Variants in UBR4 observed in about 807,000 individuals in gnomAD.
UBR4 encodes the protein ubiquitin protein ligase E3 component n-recognin 4, also known as E3 ubiquitin-protein ligase UBR4.
UBR4 carries 124 observed loss-of-function variants against 575.6 expected under a neutral mutation model. That is an observed-to-expected ratio of 0.22 (90% CI 0.19 to 0.25). The LOEUF (loss-of-function observed/expected upper bound fraction) is 0.25, where lower values mean the gene tolerates loss of function less well. Ranked by LOEUF, UBR4 falls within the 10% of genes least tolerant of loss-of-function variation. The pLI, the probability that UBR4 is intolerant of heterozygous loss-of-function variation, is 1.00. For missense variants in UBR4, 4,818 were observed against 6,478.8 expected (o/e 0.74, Z 8.80); for synonymous variants, 2,455 against 2,473.7 (o/e 0.99, Z 0.22).
Position 19,117,727 on chromosome 1 carries a change from G to C in UBR4, c.10629+96C>G, listed in dbSNP as rs1264188132. 1.6e-6 allele frequency: 2 copies of C among 1,218,622 alleles called. No homozygotes were observed. Among genetic ancestry groups the C allele is most frequent in the Non-Finnish European group, 2.4e-6 (2 of 835,574 alleles). The allele number at this position is 1,218,622 out of a possible 1,614,324, so 75.5% of individuals were successfully genotyped here. A position where few individuals can be genotyped will look rare whatever the true frequency, so the allele number is the denominator to read the frequency against. On this transcript the variant is annotated intron_variant, in intron 72 of 105. Coordinates refer to ENST00000375254, the MANE Select transcript of UBR4 (RefSeq NM_020765.3). The surrounding 1 kb of genome is among the most constrained non-coding windows in gnomAD (Gnocchi z 4.0). ...CCTACTATCGGTGACCAACCATTAG[G>C]AGAGGAACATCTATGTGATAATGAT...
At chr1:19,197,046 G>GGGAT in intron 8 of UBR4, 95 bp downstream of exon 8, 2 of 1,445,100 alleles carry the variant, frequency 1.4e-6, no homozygotes, top group Non-Finnish European at 1.9e-6. Flanking sequence ...GGAAGCAAGG[G>GGGAT]GGATGAGTAG....
At position 19,110,435 on chromosome 1, in the gene UBR4, C is replaced by T. The variant is rs1316217743; in HGVS notation, c.11922G>A (p.Leu3974=). The change falls in exon 80 of 106, where the codon CTG becomes CTA. Residue 3974 remains leucine, a synonymous_variant. Coordinates refer to ENST00000375254, the MANE Select transcript of UBR4 (RefSeq NM_020765.3). This position sits in a 1 kb window ranked among gnomAD's most constrained non-coding sequence, Gnocchi z 4.5. ...LASSLQYEML[L]LTDSISKEDS... is the part of the protein sequence containing the mutation. ...CCTCCTTGGAGATAGAATCCGTCAG[C>T]AGCAGCATTTCATACTGCAGGCTAC... 4 of 1,614,056 alleles carry T rather than the reference C, an allele frequency of 2.5e-6. No individual in the cohort carries two copies. In the African/African-American group the frequency reaches 5.3e-5, roughly 22 times the overall value.
intron 60 of UBR4, 60 bp from the exon 61 acceptor site, chr1:19,129,134 T>C (rs2082141983): frequency 1.5e-5 from 22 of 1,455,824 alleles, no homozygotes; most frequent in Non-Finnish European, 2.1e-5. Flanking sequence ...CACAGCTGAA[T>C]ACAGTTCCCT....
At chr1:19,169,169 A>T (rs1361744300) in intron 27 of UBR4, among the ~76,000 whole-genome samples, 1 of 152,218 alleles carries the variant, frequency 6.6e-6, no homozygotes, top group Non-Finnish European at 1.5e-5. Flanking sequence ...GAATCGTCAC[A>T]GCCCAATATT....
chr1:19,205,629 T>C (rs1318251348), intron 1 of UBR4, among the ~76,000 whole-genome samples: 5 of 145,268 alleles, frequency 3.4e-5, no homozygotes, highest in African/African-American at 1.2e-4. Context: ...ATCTATCTTT[T>C]GGTGGCGGGC....
intron 52 of UBR4, 101 bp downstream of exon 52, chr1:19,146,725 A>C: frequency 5.9e-5 from 84 of 1,430,120 alleles, no homozygotes; most frequent in Non-Finnish European, 7.3e-5. Context: ...CCTGTCTCTG[A>C]GCATGCAGTC....
At chr1:19,119,373 A>C (rs1043964231) in intron 70 of UBR4, among the ~76,000 whole-genome samples, 184 bp downstream of exon 70, 1 of 152,216 alleles carries the variant, frequency 6.6e-6, no homozygotes, top group African/African-American at 2.4e-5. Flanking sequence ...TAGATTTGTT[A>C]GTGTATACTG....
At chr1:19,120,938 T>C (rs528877139) in intron 68 of UBR4, among the ~76,000 whole-genome samples, 1 of 152,392 alleles carries the variant, frequency 6.6e-6, no homozygotes, top group East Asian at 1.9e-4. Context: ...ATAAGAAATT[T>C]GGTCTACTAA....
At chr1:19,192,455 G>A in intron 10 of UBR4, 26 bp downstream of exon 10, 24 of 1,614,192 alleles carry the variant, frequency 1.5e-5, no homozygotes, top group Non-Finnish European at 1.9e-5. Context: ...TAGGAAGTAT[G>A]CAGCAGAGAC....
chr1:19,156,439 G>C lies in UBR4; in HGVS notation c.5920-16C>G, dbSNP rs2086461478. 3 of 1,607,676 alleles carry C rather than the reference G, an allele frequency of 1.9e-6. No homozygotes were observed. The East Asian group carries it at 6.7e-5, about 36-fold the overall frequency. On this transcript the variant is annotated splice_polypyrimidine_tract_variant and intron_variant, in intron 41 of 105. Coordinates refer to ENST00000375254, the MANE Select transcript of UBR4 (RefSeq NM_020765.3). The stretch of plus-strand genomic sequence containing the variant: ...CATGACAGTCCTGGACAATGTTTAA[G>C]AAACAAAATGGTGAAAAGATGATCT...
chr1:19,148,732 G>A, intron 49 of UBR4, 106 bp from the exon 50 acceptor site: 1 of 1,205,860 alleles, frequency 8.3e-7, no homozygotes, highest in Non-Finnish European at 1.2e-6. Flanking sequence ...GCTAATGAAT[G>A]CCAAATACAA....
rs1256862556 is a variant in UBR4 at position 19,087,823 on chromosome 1, T to C, written c.14537A>G (p.Lys4846Arg). The C allele has an allele frequency of 2.7e-5, 44 of 1,609,424 alleles. No individual in the cohort carries two copies. Among genetic ancestry groups the C allele is most frequent in the Non-Finnish European group, 3.4e-5 (40 of 1,177,664 alleles). ...TAGGCCCAGCAGCTGTACCTGGAAC[T>C]TGTATCCCTCCCTGCAGATGCAGCA... ...LTCCICREGY[K>R]FQPTKVLGIY... Residue 4846 changes from lysine to arginine, a missense_variant, in exon 99 of 106, where the codon AAG becomes AGG. Lys to Arg is a conservative substitution (Grantham distance 26, BLOSUM62 2). Transcript: ENST00000375254.
rs145040731 is a variant in UBR4 at position 19,207,561 on chromosome 1, G to A, written c.176+2512C>T. Among the ~76,000 whole-genome samples, 537 of 152,280 alleles carry A rather than the reference G, an allele frequency of 3.5e-3. 2 individuals carry two copies. Among genetic ancestry groups the A allele is most frequent in the Non-Finnish European group, 4.1e-3 (281 of 68,020 alleles). The stretch of plus-strand genomic sequence containing the variant: ...CGAGAATCACTTGAACCTGGGAGGC[G>A]TAGGTTGCAGTGAGGTAAAATCGTG... On this transcript the variant is annotated intron_variant, in intron 1 of 105. Coordinates refer to ENST00000375254, the MANE Select transcript of UBR4 (RefSeq NM_020765.3).
intron 28 of UBR4, 145 bp downstream of exon 28, chr1:19,167,882 G>A: frequency 1.2e-6 from 1 of 839,442 alleles, no homozygotes; most frequent in East Asian, 2.8e-5. Context: ...CTAGGTAAGT[G>A]CTTATACTTT....
In UBR4 at chr1:19,183,913, A is replaced by T; in HGVS notation, c.2099-17T>A. 3 of 1,614,052 alleles carry T rather than the reference A, an allele frequency of 1.9e-6. No homozygotes were observed. Among genetic ancestry groups the T allele is most frequent in the Non-Finnish European group, 2.5e-6 (3 of 1,179,972 alleles). ...CTGATGAACCTTAAAGACAAGTAGA[A>T]AAGCCAATTATTTAAGCAGCTATTG... On this transcript the variant is annotated splice_polypyrimidine_tract_variant and intron_variant, in intron 16 of 105. Transcript: ENST00000375254.
intron 103 of UBR4, chr1:19,079,821 T>C (rs1570127687): frequency 6.6e-6 from 1 of 152,252 alleles, no homozygotes; most frequent in Non-Finnish European, 1.5e-5. Context: ...GCTGTGGCTG[T>C]TGTGCTTTGG....
rs2080407738 is a variant in UBR4, at chr1:19,115,383, T to G, written c.11063+15A>C. On this transcript the variant is annotated intron_variant, in intron 74 of 105. Coordinates refer to ENST00000375254, the MANE Select transcript of UBR4 (RefSeq NM_020765.3). ...ATGTGCACAGCCCTGGCCTAGGGGA[T>G]GACCAATGACTTACCTGCATTTGTG... is the stretch of plus-strand genomic sequence containing the variant. 1.2e-6 allele frequency: 2 copies of G among 1,613,136 alleles called. No individual in the cohort carries two copies. The highest frequency in any genetic ancestry group is 1.7e-6 in the Non-Finnish European group (2 of 1,179,332).
intron 104 of UBR4, 141 bp downstream of exon 104, chr1:19,077,835 G>A: frequency 1.9e-6 from 3 of 1,549,716 alleles, no homozygotes; most frequent in East Asian, 4.9e-5. Context: ...CCCACAGTTG[G>A]GGTTGTTTGT....
intron 77 of UBR4, 102 bp from the exon 78 acceptor site, chr1:19,112,969 T>C: frequency 8.4e-7 from 1 of 1,193,384 alleles, no homozygotes; most frequent in Non-Finnish European, 1.2e-6. Context: ...TTACATGCAT[T>C]ATATAACTTA....
Sources: allele counts gnomAD v4.1 joint callset (sites outside exome capture counted in the v4.1 genomes callset), GRCh38; gene constraint gnomAD v4.1.1; non-coding constraint Gnocchi (gnomAD v3.1); transcripts MANE v1.5; gene names NCBI Gene and HGNC (gene_info 2026-07-23, HGNC 2026-07-21).